COL8A1: variants seen among roughly 807,000 people sequenced by gnomAD.
The protein encoded by COL8A1 is collagen alpha-1(VIII) chain.
COL8A1 carries 21 observed loss-of-function variants against 42.7 expected under a neutral mutation model. That is an observed-to-expected ratio of 0.49 (90% confidence interval 0.35 to 0.71). The LOEUF is 0.71. Ranked by LOEUF, COL8A1 falls within the 30% of genes least tolerant of loss-of-function variation. COL8A1 has a pLI of 0.01. For synonymous variants in COL8A1, 367 were observed against 369.1 expected (o/e 0.99, Z 0.06); for missense variants, 788 against 962.4 (o/e 0.82, Z 2.40).
Position 99,797,641 on chromosome 3 carries a change from T to A in COL8A1, c.*1505T>A, listed in dbSNP as rs1301921144. ...TTTCAGAATTACATAGAAAAATTAA[T>A]ATTTGAAAAAATAATTCTGAAATTT... On this transcript the variant is annotated 3_prime_UTR_variant, in exon 4 of 4. Coordinates refer to ENST00000652472, the MANE Select transcript of COL8A1 (RefSeq NM_020351.4). 6.6e-6 allele frequency: 1 copy of A among 152,160 alleles called. No homozygotes were observed. Among genetic ancestry groups the A allele is most frequent in the African/African-American group, 2.4e-5 (1 of 41,434 alleles). 9.4% of individuals were successfully genotyped at this position (152,160 alleles called of 1,614,324 possible).
At chr3:99,715,220 A>C (rs1939962414) in intron 1 of COL8A1, among the ~76,000 whole-genome samples, 1 of 152,048 alleles carries the variant, frequency 6.6e-6, no homozygotes, top group Non-Finnish European at 1.5e-5. Context: ...GGAGAGTGAG[A>C]GGTCAGGAGG....
rs1332815524 is a variant in COL8A1, at chr3:99,742,429, G to A, written c.-128-2468G>A. ...AATGGTTCCCTTTAGTTCCTGCAAT[G>A]GTGCTTGAATATTAAATAATTTGAT... On this transcript the variant is annotated intron_variant, in intron 1 of 3. Transcript: ENST00000652472. 3.3e-5 allele frequency among the ~76,000 whole-genome samples: 5 copies of A among 152,172 alleles called. No individual in the cohort carries two copies. In the South Asian group the frequency reaches 6.2e-4, roughly 19 times the overall value.
intron 1 of COL8A1, among the ~76,000 whole-genome samples, chr3:99,734,478 C>G (rs1940634857): frequency 6.6e-6 from 1 of 151,518 alleles, no homozygotes; most frequent in African/African-American, 2.4e-5. Flanking sequence ...GGTATTATTT[C>G]TGAGGGCTCT....
At chr3:99,700,662 C>T (rs2107346213) in intron 1 of COL8A1, among the ~76,000 whole-genome samples, 1 of 152,168 alleles carries the variant, frequency 6.6e-6, no homozygotes, top group East Asian at 1.9e-4. Context: ...CCATTTTTAC[C>T]ACCTTTACCA....
intron 2 of COL8A1, among the ~76,000 whole-genome samples, chr3:99,778,606 G>A (rs1194384423): frequency 6.8e-6 from 1 of 146,138 alleles, no homozygotes; most frequent in Non-Finnish European, 1.5e-5. Flanking sequence ...TCTTTACAGG[G>A]CTTTTAAAAT....
intron 1 of COL8A1, among the ~76,000 whole-genome samples, chr3:99,658,930 C>T (rs528370909): frequency 1.3e-5 from 2 of 152,240 alleles, no homozygotes; most frequent in African/African-American, 4.8e-5. Flanking sequence ...GGACTACCTG[C>T]GTCATGATTC....
intron 1 of COL8A1, among the ~76,000 whole-genome samples, chr3:99,715,336 T>A (rs948771155): frequency 5.3e-5 from 8 of 151,814 alleles, no homozygotes; most frequent in Non-Finnish European, 1.0e-4. Flanking sequence ...CAGTAAGAGG[T>A]GAATATATTA....
intron 2 of COL8A1, among the ~76,000 whole-genome samples, chr3:99,778,747 G>A (rs1315798780): frequency 6.6e-6 from 1 of 152,180 alleles, no homozygotes; most frequent in Non-Finnish European, 1.5e-5. Context: ...CAGTAGGCAT[G>A]GGGAAGAGTA....
intron 1 of COL8A1, among the ~76,000 whole-genome samples, chr3:99,736,837 A>C (rs970872664): frequency 1.4e-4 from 21 of 151,938 alleles, no homozygotes; most frequent in Admixed American, 6.6e-5. Context: ...TGGGGTGTTA[A>C]AGTCTCCCAT....
Position 99,795,331 on chromosome 3 carries a change from G to T in COL8A1, c.1430G>T (p.Gly477Val), listed in dbSNP as rs749178017. The change falls in exon 4 of 4, where the codon GGG becomes GTG. Residue 477 changes from glycine to valine, a missense_variant. By Grantham distance (109) the Gly-to-Val change is moderately radical (BLOSUM62 -3). Transcript: ENST00000652472. ...KGVPGLPGVP[G>V]LLGPKGEPGI... The stretch of plus-strand genomic sequence containing the variant: ...GTACCAGGACTCCCTGGTGTTCCAG[G>T]GCTTCTCGGACCTAAGGGAGAGCCA... 1 of 1,601,598 alleles carries T rather than the reference G, an allele frequency of 6.2e-7. No individual in the cohort carries two copies. The highest frequency in any genetic ancestry group is 8.5e-7 in the Non-Finnish European group (1 of 1,173,960).
rs552154930 is a variant in COL8A1 at position 99,793,248 on chromosome 3, CA to C, written c.329-981del. Among the ~76,000 whole-genome samples, 394 of 152,230 alleles carry C rather than the reference CA, an allele frequency of 2.6e-3. 1 individual carries two copies. Among genetic ancestry groups the C allele is most frequent in the African/African-American group, 8.6e-3 (357 of 41,530 alleles). On this transcript the variant is annotated intron_variant, in intron 3 of 3. Coordinates refer to ENST00000652472, the MANE Select transcript of COL8A1 (RefSeq NM_020351.4). ...GAGTATAGTTAATAATAATGTATTA[CA>C]CACTTCAAAATCACTGAAAGAGTAA... is the stretch of plus-strand genomic sequence containing the variant.
At chr3:99,676,587 A>G (rs1938705045) in intron 1 of COL8A1, among the ~76,000 whole-genome samples, 1 of 152,162 alleles carries the variant, frequency 6.6e-6, no homozygotes, top group South Asian at 2.1e-4. Context: ...CTTCCTTGAC[A>G]TGACAAAGTG....
intron 1 of COL8A1, among the ~76,000 whole-genome samples, chr3:99,704,506 G>C (rs185447341): frequency 6.6e-6 from 1 of 152,048 alleles, no homozygotes; most frequent in Non-Finnish European, 1.5e-5. Flanking sequence ...TGGTGTGAAG[G>C]CTTATATCTT....
At chr3:99,759,635 A>T (rs950617547) in intron 2 of COL8A1, among the ~76,000 whole-genome samples, 7 of 152,226 alleles carry the variant, frequency 4.6e-5, no homozygotes, top group Non-Finnish European at 1.0e-4. Flanking sequence ...AGATTAACCA[A>T]TGTTTTTTTA....
At chr3:99,726,439 G>T (rs554697569) in intron 1 of COL8A1, among the ~76,000 whole-genome samples, 9 of 151,280 alleles carry the variant, frequency 5.9e-5, no homozygotes, top group East Asian at 5.8e-4. Flanking sequence ...GTCAATTTTG[G>T]CTTTTGTTGC....
intron 1 of COL8A1, among the ~76,000 whole-genome samples, chr3:99,742,913 T>G (rs539330347): frequency 6.6e-6 from 1 of 152,188 alleles, no homozygotes; most frequent in African/African-American, 2.4e-5. Flanking sequence ...GAAGAAAAAT[T>G]GAAAAAAATC....
At chr3:99,747,744 CAAG>C (rs1472561523) in intron 2 of COL8A1, among the ~76,000 whole-genome samples, 3 of 152,152 alleles carry the variant, frequency 2.0e-5, no homozygotes, top group Non-Finnish European at 4.4e-5. Context: ...TGACTGTGGC[CAAG>C]AAGACCCTTA....
intron 1 of COL8A1, among the ~76,000 whole-genome samples, chr3:99,689,437 TG>T (rs1457692426): frequency 6.6e-6 from 1 of 152,220 alleles, no homozygotes; most frequent in Non-Finnish European, 1.5e-5. Context: ...ATACTGTGAT[TG>T]TTCTCAGGCA....
chr3:99,688,120 CTATT>C (rs1939117427), intron 1 of COL8A1, among the ~76,000 whole-genome samples: 3 of 152,166 alleles, frequency 2.0e-5, no homozygotes, highest in African/African-American at 7.2e-5. Context: ...AATATGAAAT[CTATT>C]TATGTTATAT....
Sources: gnomAD v4.1 joint callset for allele counts (sites outside exome capture counted in the v4.1 genomes callset) on GRCh38, gnomAD v4.1.1 for gene constraint, MANE v1.5 for transcripts, NCBI Gene and HGNC (gene_info 2026-07-23, HGNC 2026-07-21) for gene names.